Variants in SLC35F1 observed in about 807,000 individuals in gnomAD.
SLC35F1 encodes solute carrier family 35 member F1.
A neutral mutation model predicts 48.7 loss-of-function variants in SLC35F1; 14 were observed. That is an observed-to-expected ratio of 0.29 (90% CI 0.19 to 0.45). The LOEUF is 0.45. Among genes scored for constraint, SLC35F1 ranks in the 20% least tolerant of loss-of-function variants. The pLI is 1.00. For missense variants in SLC35F1, 404 were observed against 500.0 expected (o/e 0.81, Z 1.83); for synonymous variants, 190 against 202.2 (o/e 0.94, Z 0.51).
intron 7 of SLC35F1, among the ~76,000 whole-genome samples, chr6:118,301,172 A>G (rs910186997): frequency 6.6e-6 from 1 of 152,146 alleles, no homozygotes; most frequent in Non-Finnish European, 1.5e-5. Context: ...CTGGCACAGT[A>G]GGTGTTTGGT....
At chr6:118,072,145 C>T (rs981700426) in intron 1 of SLC35F1, among the ~76,000 whole-genome samples, 1 of 152,102 alleles carries the variant, frequency 6.6e-6, no homozygotes, top group African/African-American at 2.4e-5. Context: ...TTGACTTTGT[C>T]CTCCAAAACT....
intron 7 of SLC35F1, among the ~76,000 whole-genome samples, chr6:118,289,753 C>G (rs1776096504): frequency 1.3e-5 from 2 of 152,098 alleles, no homozygotes; most frequent in South Asian, 4.1e-4. Flanking sequence ...ATAGTCATGC[C>G]TAGGTCCTGC....
intron 1 of SLC35F1, among the ~76,000 whole-genome samples, chr6:118,031,711 C>T (rs113274461): frequency 0.018 from 2,766 of 152,216 alleles, 88 homozygotes; most frequent in African/African-American, 0.062. Context: ...GAGTGTGCTG[C>T]GAGTAGCAGC....
intron 1 of SLC35F1, among the ~76,000 whole-genome samples, chr6:118,059,272 C>A (rs929114711): frequency 6.6e-6 from 1 of 152,158 alleles, no homozygotes; most frequent in Non-Finnish European, 1.5e-5. Flanking sequence ...TACAGCTTCC[C>A]ACTGTAACCC....
intron 1 of SLC35F1, among the ~76,000 whole-genome samples, chr6:118,147,838 T>A (rs1773998418): frequency 6.6e-6 from 1 of 152,166 alleles, no homozygotes; most frequent in Non-Finnish European, 1.5e-5. Flanking sequence ...ACAAAATGGA[T>A]ACCATGGAGC....
intron 1 of SLC35F1, among the ~76,000 whole-genome samples, chr6:118,044,992 G>GA (rs1036410374): frequency 7.2e-5 from 11 of 152,304 alleles, no homozygotes; most frequent in Admixed American, 6.5e-4. Context: ...TATATAGTAT[G>GA]AAAATGTATT....
chr6:118,010,010 G>A (rs1253273171), intron 1 of SLC35F1, among the ~76,000 whole-genome samples: 1 of 152,152 alleles, frequency 6.6e-6, no homozygotes, highest in Non-Finnish European at 1.5e-5. Flanking sequence ...AACCTCTGAA[G>A]ATAGAAACTG....
intron 1 of SLC35F1, among the ~76,000 whole-genome samples, chr6:118,017,222 G>A (rs375610727): frequency 2.7e-4 from 41 of 152,328 alleles, no homozygotes; most frequent in African/African-American, 9.9e-4. Context: ...CTAATCCCTG[G>A]GGACTTCCCG....
At chr6:118,291,218 T>A (rs1776117371) in intron 7 of SLC35F1, among the ~76,000 whole-genome samples, 1 of 149,272 alleles carries the variant, frequency 6.7e-6, no homozygotes, top group African/African-American at 2.5e-5. Flanking sequence ...GATATGGGAG[T>A]GGGAGAAGCA....
chr6:118,171,141 A>G (rs1377366171), intron 2 of SLC35F1, among the ~76,000 whole-genome samples: 33 of 151,606 alleles, frequency 2.2e-4, no homozygotes, highest in Admixed American at 2.2e-3. Flanking sequence ...AGCTCAATAG[A>G]TCCTCCTACC....
At chr6:118,248,782 G>A (rs1031008615) in intron 3 of SLC35F1, among the ~76,000 whole-genome samples, 4 of 152,226 alleles carry the variant, frequency 2.6e-5, no homozygotes, top group African/African-American at 7.2e-5. Flanking sequence ...AACTAATACA[G>A]TTGGAGACAA....
Position 118,057,142 on chromosome 6 carries a change from T to C in SLC35F1, c.174-97303T>C, listed in dbSNP as rs73521571. On this transcript the variant is annotated intron_variant, in intron 1 of 7. Transcript: ENST00000360388. ...TCCAGAGTCTATGAGAAGGCTGTCTTGAAGGTTGCCATATCACGTGAGCCA... is the reference window on the plus strand; with the variant it reads ...TCCAGAGTCTATGAGAAGGCTGTCTCGAAGGTTGCCATATCACGTGAGCCA... 3.9e-3 allele frequency among the ~76,000 whole-genome samples: 601 copies of C among 152,238 alleles called. 7 individuals are homozygous for C. The highest frequency in any genetic ancestry group is 0.014 in the African/African-American group (575 of 41,544).
intron 2 of SLC35F1, among the ~76,000 whole-genome samples, chr6:118,198,756 C>T (rs1486767380): frequency 6.6e-6 from 1 of 151,998 alleles, no homozygotes; most frequent in Admixed American, 6.5e-5. Context: ...TATGTTTATC[C>T]ACACATATAC....
intron 1 of SLC35F1, among the ~76,000 whole-genome samples, chr6:118,112,070 T>C (rs2501516): frequency 0.91 from 133,647 of 146,914 alleles, 60,793 homozygotes; most frequent in East Asian, 0.99. Flanking sequence ...CTTTCTTTCT[T>C]TTTCTTTATT....
intron 7 of SLC35F1, among the ~76,000 whole-genome samples, chr6:118,312,624 A>G (rs1032725247): frequency 6.6e-6 from 1 of 152,198 alleles, no homozygotes; most frequent in African/African-American, 2.4e-5. Flanking sequence ...AGAAAATCAG[A>G]AAAGCATCTT....
intron 7 of SLC35F1, among the ~76,000 whole-genome samples, chr6:118,311,383 C>CAAG (rs1383356357): frequency 1.3e-5 from 2 of 151,644 alleles, no homozygotes; most frequent in Admixed American, 1.3e-4. Context: ...ATTATTCATT[C>CAAG]AAGATAAAAA....
chr6:118,220,330 A>G (rs1297841219), intron 2 of SLC35F1, among the ~76,000 whole-genome samples: 2 of 152,134 alleles, frequency 1.3e-5, no homozygotes, highest in African/African-American at 4.8e-5. Flanking sequence ...AGAAGGCAGG[A>G]ATCGGGGGAA....
intron 2 of SLC35F1, among the ~76,000 whole-genome samples, chr6:118,181,683 G>A (rs1296447751): frequency 6.6e-6 from 1 of 151,860 alleles, no homozygotes; most frequent in African/African-American, 2.4e-5. Flanking sequence ...TATTCTAGAT[G>A]TACGATGATT....
chr6:118,000,989 A>G (rs1777084688), intron 1 of SLC35F1, among the ~76,000 whole-genome samples: 1 of 152,146 alleles, frequency 6.6e-6, no homozygotes, highest in African/African-American at 2.4e-5. Flanking sequence ...GCTCATCGGT[A>G]GGAAGAATCA....
Sources: allele counts gnomAD v4.1 joint callset (sites outside exome capture counted in the v4.1 genomes callset), GRCh38; gene constraint gnomAD v4.1.1; transcripts MANE v1.5; gene names NCBI Gene and HGNC (gene_info 2026-07-23, HGNC 2026-07-21).